The following CSMD1 variants were observed in gnomAD, a reference collection of about 807,000 sequenced individuals.
CSMD1 encodes CUB and sushi domain-containing protein 1.
A neutral mutation model predicts 417.5 loss-of-function variants in CSMD1; 213 were observed. That is an observed-to-expected ratio of 0.51 (90% CI 0.46 to 0.57). The LOEUF is 0.57. Among genes scored for constraint, CSMD1 ranks in the 20% least tolerant of loss-of-function variants. The probability of loss-of-function intolerance (pLI) is 0.00; values close to 1 mark genes in which losing one functional copy is unlikely to be tolerated. For synonymous variants in CSMD1, 2,862 were observed against 1,736.8 expected (o/e 1.65, Z -16.11); for missense variants, 6,923 against 4,529.7 (o/e 1.53, Z -15.17).
chr8:3,004,072 C>T (rs1200522973), intron 52 of CSMD1, among the ~76,000 whole-genome samples: 1 of 152,026 alleles, frequency 6.6e-6, no homozygotes, highest in East Asian at 1.9e-4. Flanking sequence ...GGATAAGCAA[C>T]TCTATTCACT....
chr8:3,169,254 GACAA>G (rs1820433473), intron 37 of CSMD1, among the ~76,000 whole-genome samples: 1 of 152,176 alleles, frequency 6.6e-6, no homozygotes, highest in South Asian at 2.1e-4. Flanking sequence ...AACCAGAGGA[GACAA>G]GTTTCAGGAC....
At chr8:2,971,893 C>G (rs1350827729) in intron 57 of CSMD1, among the ~76,000 whole-genome samples, 1 of 152,040 alleles carries the variant, frequency 6.6e-6, no homozygotes, top group African/African-American at 2.4e-5. Flanking sequence ...ATTTATACTA[C>G]TTTGATTGTC....
At chr8:4,212,751 CTT>C (rs5889027) in intron 3 of CSMD1, among the ~76,000 whole-genome samples, 10,743 of 98,810 alleles carry the variant, frequency 0.11, 708 homozygotes, top group African/African-American at 0.21. Context: ...CGGCCTTATT[CTT>C]TTTTTTTTTT....
intron 26 of CSMD1, among the ~76,000 whole-genome samples, chr8:3,237,620 A>AGATAATTTTTTAAAT (rs1799229756): frequency 1.4e-5 from 2 of 142,358 alleles, no homozygotes; most frequent in African/African-American, 5.0e-5. Flanking sequence ...TATACTATAA[A>AGATAATTTTTTAAAT]TATATTTTTT....
intron 5 of CSMD1, among the ~76,000 whole-genome samples, chr8:3,917,304 G>T (rs1584960634): frequency 6.6e-6 from 1 of 152,214 alleles, no homozygotes; most frequent in East Asian, 1.9e-4. Flanking sequence ...GATGCGTTGG[G>T]AGTAGCAGAC....
chr8:4,260,167 C>A (rs1250574809), intron 3 of CSMD1, among the ~76,000 whole-genome samples: 1 of 152,162 alleles, frequency 6.6e-6, no homozygotes, highest in Admixed American at 6.5e-5. Context: ...CATCAGGTGG[C>A]ATCCTTGCAA....
At chr8:4,932,905 T>G (rs568202382) in intron 1 of CSMD1, among the ~76,000 whole-genome samples, 1 of 152,214 alleles carries the variant, frequency 6.6e-6, no homozygotes, top group Non-Finnish European at 1.5e-5. Flanking sequence ...GGCTTAAAAT[T>G]GCTGCCTAAT....
At chr8:3,862,493 G>A (rs115841192) in intron 5 of CSMD1, among the ~76,000 whole-genome samples, 5,733 of 152,108 alleles carry the variant, frequency 0.038, 107 homozygotes, top group Middle Eastern at 0.068. Context: ...CTCAAAGTTC[G>A]CCTTTCCCAG....
intron 1 of CSMD1, among the ~76,000 whole-genome samples, chr8:4,648,529 G>T (rs566359386): frequency 2.8e-4 from 42 of 152,142 alleles, no homozygotes; most frequent in African/African-American, 9.9e-4. Flanking sequence ...CCTCTCTTAG[G>T]GAAATAGTGC....
At chr8:3,743,032 G>C (rs73496874) in intron 6 of CSMD1, among the ~76,000 whole-genome samples, 7,008 of 152,248 alleles carry the variant, frequency 0.046, 567 homozygotes, top group African/African-American at 0.16. Context: ...TAGCACACTT[G>C]TCTCACTTGA....
chr8:3,706,285 T>C (rs35064803), intron 7 of CSMD1, among the ~76,000 whole-genome samples: 82,078 of 152,144 alleles, frequency 0.54, 22,287 homozygotes, highest in Admixed American at 0.6. Flanking sequence ...GCGATGACAT[T>C]TGAACTTGAA....
In CSMD1 at chr8:3,289,844, G is replaced by C. The variant is rs1403330730; in HGVS notation, c.3951-5498C>G. Among the ~76,000 whole-genome samples, 2 of 147,414 alleles carry C rather than the reference G, an allele frequency of 1.4e-5. 1 individual carries two copies. The highest frequency in any genetic ancestry group is 5.4e-5 in the African/African-American group (2 of 37,174). ...TCTTTAGTTTAATTAGATACCATTT[G>C]TCAGTTTTGGCTTTTGTTGCCATTG... On this transcript the variant is annotated intron_variant, in intron 25 of 69. Coordinates refer to ENST00000635120, the MANE Select transcript of CSMD1 (RefSeq NM_033225.6).
At chr8:4,051,572 C>A (rs1389673552) in intron 3 of CSMD1, among the ~76,000 whole-genome samples, 3 of 152,204 alleles carry the variant, frequency 2.0e-5, no homozygotes, top group Non-Finnish European at 4.4e-5. Flanking sequence ...AAGCAAACCT[C>A]TGTCAACGTC....
chr8:4,376,052 C>G (rs1802713021), intron 3 of CSMD1, among the ~76,000 whole-genome samples: 1 of 152,156 alleles, frequency 6.6e-6, no homozygotes, highest in Admixed American at 6.6e-5. Context: ...GATATCTATA[C>G]TGAAGCTAGA....
At chr8:4,263,343 A>C (rs896364713) in intron 3 of CSMD1, among the ~76,000 whole-genome samples, 5 of 152,152 alleles carry the variant, frequency 3.3e-5, no homozygotes, top group Non-Finnish European at 5.9e-5. Context: ...TTTCCCCTGG[A>C]GTTATGGTGA....
chr8:3,934,883 G>A (rs1389829580), intron 5 of CSMD1, among the ~76,000 whole-genome samples: 1 of 152,022 alleles, frequency 6.6e-6, no homozygotes, highest in Non-Finnish European at 1.5e-5. Context: ...AAAACAATTG[G>A]TATATCTGTT....
chr8:3,825,464 A>C (rs943641970), intron 5 of CSMD1, among the ~76,000 whole-genome samples: 9 of 152,074 alleles, frequency 5.9e-5, no homozygotes, highest in Non-Finnish European at 8.8e-5. Flanking sequence ...GGGAAGTGGA[A>C]GTTGCAGTGA....
At chr8:4,777,189 G>T (rs763037033) in intron 1 of CSMD1, among the ~76,000 whole-genome samples, 1 of 152,148 alleles carries the variant, frequency 6.6e-6, no homozygotes, top group South Asian at 2.1e-4. Context: ...TTTACCTTGT[G>T]GTTGTTATTT....
chr8:4,949,257 A>T (rs908596668), intron 1 of CSMD1, among the ~76,000 whole-genome samples: 2 of 152,116 alleles, frequency 1.3e-5, no homozygotes, highest in African/African-American at 4.8e-5. Flanking sequence ...TTCATAAATG[A>T]GAGTGGCCTG....
Sources: allele counts gnomAD v4.1 joint callset (sites outside exome capture counted in the v4.1 genomes callset), GRCh38; gene constraint gnomAD v4.1.1; transcripts MANE v1.5; gene names NCBI Gene and HGNC (gene_info 2026-07-23, HGNC 2026-07-21).